Variants in GPC6 observed in about 807,000 individuals in gnomAD.
GPC6 encodes the protein glypican-6.
Under a neutral mutation model 55.2 loss-of-function variants are expected in GPC6, and 14 were observed. That is an observed-to-expected ratio of 0.25 (90% CI 0.17 to 0.40). The LOEUF (loss-of-function observed/expected upper bound fraction) is 0.40. GPC6 is among the 10% of genes least tolerant of loss of function. GPC6 has a pLI of 1.00. For synonymous variants in GPC6, 278 were observed against 259.6 expected (o/e 1.07, Z -0.68); for missense variants, 641 against 708.5 (o/e 0.90, Z 1.08).
intron 2 of GPC6, among the ~76,000 whole-genome samples, chr13:93,743,756 A>C (rs1884289401): frequency 6.6e-6 from 1 of 152,040 alleles, no homozygotes; most frequent in African/African-American, 2.4e-5. Context: ...TCCCTTTTTA[A>C]CTAATAGAAA....
intron 4 of GPC6, among the ~76,000 whole-genome samples, chr13:94,146,361 T>C (rs1343622498): frequency 4.6e-5 from 7 of 152,160 alleles, no homozygotes; most frequent in African/African-American, 1.7e-4. Context: ...TGTAATTTAC[T>C]ATCTAGGACA....
intron 4 of GPC6, among the ~76,000 whole-genome samples, chr13:94,071,415 A>C (rs1231647808): frequency 1.3e-5 from 2 of 152,198 alleles, no homozygotes; most frequent in Non-Finnish European, 2.9e-5. Context: ...AAATTATTGA[A>C]AATCTATCTG....
chr13:93,593,423 A>T (rs893226727), intron 2 of GPC6, among the ~76,000 whole-genome samples: 1 of 152,116 alleles, frequency 6.6e-6, no homozygotes, highest in Non-Finnish European at 1.5e-5. Flanking sequence ...AACTTACTTT[A>T]TTTCCTGCAA....
At chr13:93,608,983 T>C (rs1878354415) in intron 2 of GPC6, among the ~76,000 whole-genome samples, 1 of 152,188 alleles carries the variant, frequency 6.6e-6, no homozygotes, top group Admixed American at 6.5e-5. Context: ...TATGTTTGAG[T>C]ATCTATTGGT....
chr13:94,365,350 TC>T (rs1285992598), intron 6 of GPC6, among the ~76,000 whole-genome samples: 1 of 152,168 alleles, frequency 6.6e-6, no homozygotes, highest in African/African-American at 2.4e-5. Context: ...ATCCTATTGT[TC>T]CTAGAATTCC....
intron 3 of GPC6, among the ~76,000 whole-genome samples, chr13:93,885,601 T>G (rs1346234814): frequency 2.0e-5 from 3 of 152,126 alleles, no homozygotes; most frequent in Admixed American, 2.0e-4. Flanking sequence ...GACAGATGAC[T>G]GAAAATAAAA....
intron 4 of GPC6, among the ~76,000 whole-genome samples, chr13:94,271,741 C>T (rs1210320090): frequency 6.6e-6 from 1 of 152,098 alleles, no homozygotes; most frequent in East Asian, 1.9e-4. Flanking sequence ...CTCCATCCCC[C>T]TCACTTTCTC....
chr13:93,510,995 A>ATATGTG (rs1555306608), intron 1 of GPC6, among the ~76,000 whole-genome samples: 14 of 91,608 alleles, frequency 1.5e-4, no homozygotes, highest in African/African-American at 5.4e-4. Context: ...GTGTATATAT[A>ATATGTG]TATATATATA....
chr13:93,753,260 T>C (rs1884658558), intron 2 of GPC6, among the ~76,000 whole-genome samples: 1 of 152,208 alleles, frequency 6.6e-6, no homozygotes, highest in Non-Finnish European at 1.5e-5. Context: ...ACCATTTCTT[T>C]ACCGCATGGT....
At chr13:94,168,388 C>A (rs1376607280) in intron 4 of GPC6, among the ~76,000 whole-genome samples, 1 of 152,122 alleles carries the variant, frequency 6.6e-6, no homozygotes, top group African/African-American at 2.4e-5. Context: ...GGAAACAGTC[C>A]AGGTGGGGGT....
chr13:93,831,990 T>TG lies in GPC6; in HGVS notation c.711+1446dup, dbSNP rs958187570. ...CTGTAGTCCCAGCTACTCTGGAGGC[T>TG]GAGGCAGGAGAATGGCATGAACCTG... is the stretch of plus-strand genomic sequence containing the variant. On this transcript the variant is annotated intron_variant, in intron 3 of 8. Coordinates refer to ENST00000377047, the MANE Select transcript of GPC6 (RefSeq NM_005708.5). Among the ~76,000 whole-genome samples the TG allele has an allele frequency of 2.1e-5, 3 of 141,624 alleles. No individual in the cohort carries two copies. In the Admixed American group the frequency reaches 2.2e-4, roughly 10 times the overall value. 92.9% of individuals were successfully genotyped at this position (141,624 alleles called of 152,430 possible). A position where few individuals can be genotyped will look rare whatever the true frequency, so the allele number is the denominator to read the frequency against.
chr13:93,988,876 G>T (rs1306344304), intron 3 of GPC6, among the ~76,000 whole-genome samples: 1 of 152,088 alleles, frequency 6.6e-6, no homozygotes, highest in Non-Finnish European at 1.5e-5. Context: ...GCTAAAATAT[G>T]TTAAAGGTAA....
At chr13:93,473,754 G>A (rs1418428431) in intron 1 of GPC6, among the ~76,000 whole-genome samples, 2 of 152,132 alleles carry the variant, frequency 1.3e-5, no homozygotes, top group Admixed American at 6.5e-5. Flanking sequence ...ATGGAATGTG[G>A]CACCATCCCA....
chr13:93,561,882 C>A (rs1875834575), intron 2 of GPC6, among the ~76,000 whole-genome samples: 1 of 152,068 alleles, frequency 6.6e-6, no homozygotes, highest in Admixed American at 6.5e-5. Flanking sequence ...CCATTGCAGG[C>A]TTGGGGAGAA....
At chr13:93,891,829 C>A (rs1473797279) in intron 3 of GPC6, among the ~76,000 whole-genome samples, 1 of 151,174 alleles carries the variant, frequency 6.6e-6, no homozygotes, top group Non-Finnish European at 1.5e-5. Context: ...CATACACATA[C>A]TATATGTGTG....
chr13:94,347,075 T>C (rs1878327620), intron 6 of GPC6, among the ~76,000 whole-genome samples: 1 of 152,212 alleles, frequency 6.6e-6, no homozygotes, highest in Non-Finnish European at 1.5e-5. Flanking sequence ...TGTTTACATG[T>C]CATTTTGTTC....
chr13:93,341,710 T>C (rs1594107012), intron 1 of GPC6, among the ~76,000 whole-genome samples: 1 of 150,258 alleles, frequency 6.7e-6, no homozygotes, highest in Admixed American at 6.7e-5. Context: ...TTTTTTTTTC[T>C]TTTTTTTGCT....
chr13:93,391,164 G>A (rs914468237), intron 1 of GPC6, among the ~76,000 whole-genome samples: 39 of 151,880 alleles, frequency 2.6e-4, no homozygotes, highest in African/African-American at 8.7e-4. Flanking sequence ...ATAATATACT[G>A]CCATTTAAAT....
intron 3 of GPC6, among the ~76,000 whole-genome samples, chr13:93,969,272 CAG>C (rs1284635517): frequency 6.6e-6 from 1 of 152,128 alleles, no homozygotes; most frequent in African/African-American, 2.4e-5. Context: ...TAGAAAAATA[CAG>C]AGAGATGTGA....
Sources: gnomAD v4.1 joint callset for allele counts (sites outside exome capture counted in the v4.1 genomes callset) on GRCh38, gnomAD v4.1.1 for gene constraint, MANE v1.5 for transcripts, NCBI Gene and HGNC (gene_info 2026-07-23, HGNC 2026-07-21) for gene names.